TRIO: variants seen among roughly 807,000 people sequenced by gnomAD.
TRIO encodes triple functional domain protein.
In TRIO, 58 loss-of-function variants were observed where a neutral mutation model predicts 351.9. The observed-to-expected ratio is 0.16, with a 90% CI of 0.13 to 0.21. The LOEUF (loss-of-function observed/expected upper bound fraction) is 0.21, where lower values mean the gene tolerates loss of function less well. Ranked by LOEUF, TRIO falls within the 10% of genes least tolerant of loss-of-function variation. The pLI is 1.00. For missense variants in TRIO, 3,201 were observed against 4,027.8 expected (o/e 0.79, Z 5.56); for synonymous variants, 1,758 against 1,595.7 (o/e 1.10, Z -2.42).
chr5:14,211,342 A>C (rs1791878822), intron 1 of TRIO, among the ~76,000 whole-genome samples: 1 of 152,270 alleles, frequency 6.6e-6, no homozygotes, highest in Non-Finnish European at 1.5e-5. Context: ...TGAGTAATTT[A>C]GACCTGTTTA....
intron 40 of TRIO, among the ~76,000 whole-genome samples, chr5:14,475,278 C>T (rs1754978217): frequency 6.6e-6 from 1 of 152,220 alleles, no homozygotes; most frequent in South Asian, 2.1e-4. Flanking sequence ...TGTCTTGATG[C>T]AACTGCTCCT....
chr5:14,385,459 A>C (rs1349319175), intron 21 of TRIO, among the ~76,000 whole-genome samples: 1 of 152,262 alleles, frequency 6.6e-6, no homozygotes, highest in Non-Finnish European at 1.5e-5. Context: ...TCTGATCAGG[A>C]AGGACAACTA....
chr5:14,175,397 A>G (rs1789346926), intron 1 of TRIO, among the ~76,000 whole-genome samples: 1 of 152,158 alleles, frequency 6.6e-6, no homozygotes, highest in African/African-American at 2.4e-5. Flanking sequence ...CCTTTCAACA[A>G]TTCCTACTTC....
intron 11 of TRIO, among the ~76,000 whole-genome samples, chr5:14,355,021 A>G (rs1743486962): frequency 1.3e-5 from 2 of 152,166 alleles, no homozygotes. Flanking sequence ...TCAGCGTCCA[A>G]CTGAGGAGAG....
At chr5:14,270,543 C>T (rs1795920087) in intron 1 of TRIO, among the ~76,000 whole-genome samples, 1 of 152,148 alleles carries the variant, frequency 6.6e-6, no homozygotes. Flanking sequence ...GATTTCATAT[C>T]CTGTCTCCTT....
chr5:14,483,471 C>T (rs1258437750), intron 46 of TRIO, among the ~76,000 whole-genome samples: 2 of 152,220 alleles, frequency 1.3e-5, no homozygotes, highest in Admixed American at 1.3e-4. Flanking sequence ...GCCTCCTGCC[C>T]TACGCCATCA....
chr5:14,274,716 T>G (rs1735348540), intron 2 of TRIO, among the ~76,000 whole-genome samples: 1 of 152,212 alleles, frequency 6.6e-6, no homozygotes, highest in Non-Finnish European at 1.5e-5. Context: ...TGTTTGTTTG[T>G]TTGTTTTTTC....
intron 44 of TRIO, 112 bp downstream of exon 44, chr5:14,481,396 A>T: frequency 6.7e-7 from 1 of 1,488,952 alleles, no homozygotes; most frequent in South Asian, 1.2e-5. Context: ...GCAGTGGATG[A>T]CAGAGTCTCT....
intron 2 of TRIO, among the ~76,000 whole-genome samples, chr5:14,278,198 A>G (rs1735705583): frequency 6.6e-6 from 1 of 152,222 alleles, no homozygotes; most frequent in Admixed American, 6.5e-5. Context: ...GGAAAAGTGT[A>G]GTAGGGGCTG....
chr5:14,259,412 T>C (rs991089783), intron 1 of TRIO, among the ~76,000 whole-genome samples: 4 of 152,282 alleles, frequency 2.6e-5, no homozygotes, highest in African/African-American at 7.2e-5. Flanking sequence ...AATGAATTTC[T>C]CTTTTCTCTT....
rs1313318619 is a variant in TRIO at position 14,291,145 on chromosome 5, C to T, written c.970C>T (p.His324Tyr). ...MLDRLHSTRQ[H>Y]LHQMWHVRKL... The stretch of plus-strand genomic sequence containing the variant: ...GGACCGGCTGCACTCGACACGGCAG[C>T]ATCTGCACCAGATGTGGCATGTGAG... Residue 324 changes from histidine (H) to tyrosine (Y), a missense_variant, in exon 5 of 57, where the codon CAT (histidine) becomes TAT (tyrosine). By Grantham distance (83) the His-to-Tyr change is moderately conservative. Around this residue, in one of 19 missense-constraint regions of TRIO, gnomAD observed 349 missense variants for 449.3 expected, o/e 0.78. Coordinates refer to ENST00000344204, the MANE Select transcript of TRIO (RefSeq NM_007118.4). The T allele has an allele frequency of 6.2e-7, 1 of 1,614,040 alleles. No homozygotes were observed. The highest frequency in any genetic ancestry group is 2.2e-5 in the East Asian group (1 of 44,896).
chr5:14,446,758 TTTTG>T (rs1248149643), intron 34 of TRIO, among the ~76,000 whole-genome samples: 1 of 150,068 alleles, frequency 6.7e-6, no homozygotes, highest in African/African-American at 2.5e-5. Flanking sequence ...TGGTTACAGC[TTTTG>T]TTTCTTTGTT....
intron 2 of TRIO, among the ~76,000 whole-genome samples, chr5:14,271,820 A>G (rs934001132): frequency 6.6e-6 from 1 of 152,202 alleles, no homozygotes; most frequent in African/African-American, 2.4e-5. Flanking sequence ...TGCTTTTATA[A>G]GTTTTTCTGT....
Position 14,508,198 on chromosome 5 carries a change from A to G in TRIO, c.9070A>G (p.Lys3024Glu). The change falls in exon 57 of 57, where the codon AAG becomes GAG. Residue 3024 changes from lysine to glutamate, a missense_variant. By Grantham distance (56) the Lys-to-Glu change is moderately conservative. Around this residue, in one of 19 missense-constraint regions of TRIO, gnomAD observed 233 missense variants for 292.6 expected, o/e 0.80. Transcript: ENST00000344204. ...DYFKGVSQKA[K>E]EFVCFLLQED... The stretch of plus-strand genomic sequence containing the variant: ...CTTTAAAGGAGTGAGCCAGAAGGCC[A>G]AGGAGTTCGTGTGCTTCCTCCTGCA... The G allele has an allele frequency of 6.2e-7, 1 of 1,614,120 alleles. No individual in the cohort carries two copies. Among genetic ancestry groups the G allele is most frequent in the Non-Finnish European group, 8.5e-7 (1 of 1,180,030 alleles).
chr5:14,143,701 C>T lies in TRIO; in HGVS notation c.-25C>T. The T allele has an allele frequency of 3.1e-6, 3 of 972,960 alleles. No homozygotes were observed. The highest frequency in any genetic ancestry group is 3.6e-6 in the Non-Finnish European group (3 of 822,586). 60.3% of individuals were successfully genotyped at this position (972,960 alleles called of 1,614,324 possible). On this transcript the variant is annotated 5_prime_UTR_variant, in exon 1 of 57. Transcript: ENST00000344204. ...CTAGGGGCGCGGGGCCCGAGGCGGG[C>T]GCGGCCGCGGGCGCCGCCGCAGCCA...
intron 1 of TRIO, 69 bp from the exon 2 acceptor site, chr5:14,270,756 T>C (rs1795932383): frequency 8.1e-7 from 1 of 1,241,276 alleles, no homozygotes; most frequent in Non-Finnish European, 1.2e-6. Context: ...TGGCATTGGA[T>C]AGAATGGTTA....
At chr5:14,445,161 C>T (rs1579674571) in intron 34 of TRIO, among the ~76,000 whole-genome samples, 1 of 152,144 alleles carries the variant, frequency 6.6e-6, no homozygotes, top group Non-Finnish European at 1.5e-5. Flanking sequence ...CAGAGTGAGT[C>T]GGCCTGGGAG....
intron 1 of TRIO, among the ~76,000 whole-genome samples, chr5:14,181,368 C>A (rs764612868): frequency 4.6e-5 from 7 of 152,178 alleles, no homozygotes; most frequent in Non-Finnish European, 8.8e-5. Flanking sequence ...CTGCTTCACC[C>A]GAGCCCAGAC....
At chr5:14,260,314 CAT>C (rs997269517) in intron 1 of TRIO, among the ~76,000 whole-genome samples, 3 of 152,136 alleles carry the variant, frequency 2.0e-5, no homozygotes, top group Admixed American at 1.3e-4. Context: ...TTTTGGAAGA[CAT>C]ATTTGTCAGC....
Sources: allele counts gnomAD v4.1 joint callset (sites outside exome capture counted in the v4.1 genomes callset), GRCh38; gene constraint gnomAD v4.1.1; regional missense constraint gnomAD v4.1.1; transcripts MANE v1.5; gene names NCBI Gene and HGNC (gene_info 2026-07-23, HGNC 2026-07-21).